WIF1: variants seen among roughly 807,000 people sequenced by gnomAD.
The protein encoded by WIF1 is Wnt inhibitory factor 1.
Under a neutral mutation model 53.5 loss-of-function variants are expected in WIF1, and 35 were observed. That is an observed-to-expected ratio of 0.65 (90% confidence interval 0.50 to 0.87). The LOEUF is 0.87. WIF1 is among the 40% of genes least tolerant of loss of function. The pLI is 0.00. For missense variants in WIF1, 467 were observed against 476.8 expected, an observed-to-expected ratio of 0.98 and a Z score of 0.19; for synonymous variants, 171 against 170.4, an observed-to-expected ratio of 1.00 and a Z score of -0.03.
chr12:65,079,298 T>C (rs192415182), intron 2 of WIF1, among the ~76,000 whole-genome samples: 35 of 150,984 alleles, frequency 2.3e-4, no homozygotes, highest in Non-Finnish European at 3.7e-4. Flanking sequence ...GAAACACAAA[T>C]GAACAAATCT....
chr12:65,051,734 A>C (rs1882445063), intron 9 of WIF1, among the ~76,000 whole-genome samples: 1 of 152,218 alleles, frequency 6.6e-6, no homozygotes, highest in Non-Finnish European at 1.5e-5. Context: ...ATCTGGGTGA[A>C]TGTGACTGAA....
At chr12:65,075,182 G>A (rs1421050308) in intron 3 of WIF1, among the ~76,000 whole-genome samples, 3 of 152,154 alleles carry the variant, frequency 2.0e-5, no homozygotes, top group Non-Finnish European at 4.4e-5. Context: ...CTACACCCAC[G>A]ATGACACTTA....
intron 8 of WIF1, among the ~76,000 whole-genome samples, chr12:65,055,756 CAGAG>C (rs923196592): frequency 5.3e-5 from 8 of 152,194 alleles, no homozygotes; most frequent in African/African-American, 1.9e-4. Flanking sequence ...GCCTGGGCGA[CAGAG>C]AGAGACTCCG....
At chr12:65,083,969 G>A in intron 2 of WIF1, 1 of 239,208 alleles carries the variant, frequency 4.2e-6, no homozygotes, top group African/African-American at 2.3e-5. Flanking sequence ...CCTCCAAGTA[G>A]CTGGAATTAC....
intron 6 of WIF1, among the ~76,000 whole-genome samples, chr12:65,065,340 G>T (rs186548312): frequency 3.9e-5 from 6 of 152,190 alleles, no homozygotes; most frequent in South Asian, 2.1e-4. Context: ...GAATTAGGTA[G>T]CCTGGGTGGC....
In WIF1 at chr12:65,121,247, C is replaced by T. The variant is rs923529133; in HGVS notation, c.-56G>A. On this transcript the variant is annotated 5_prime_UTR_variant, in exon 1 of 10. Coordinates refer to ENST00000286574, the MANE Select transcript of WIF1 (RefSeq NM_007191.5). ...ACTCCTCGTGCCGCACCTACGCAACCTGGCGCCGTCAGATACTCTGCTGCG... is the reference window on the plus strand; with the variant it reads ...ACTCCTCGTGCCGCACCTACGCAACTTGGCGCCGTCAGATACTCTGCTGCG... 9.4e-6 allele frequency: 13 copies of T among 1,384,006 alleles called. No homozygotes were observed. The Admixed American group carries it at 3.7e-4, about 39-fold the overall frequency. The allele number at this position is 1,384,006 out of a possible 1,614,324, so 85.7% of individuals were successfully genotyped here.
chr12:65,088,578 C>A lies in WIF1; in HGVS notation c.289-10724G>T, dbSNP rs553994933. Among the ~76,000 whole-genome samples the A allele has an allele frequency of 2.0e-5, 3 of 152,238 alleles. No homozygotes were observed. The East Asian group carries it at 5.8e-4, about 29-fold the overall frequency. On this transcript the variant is annotated intron_variant, in intron 2 of 9. Transcript: ENST00000286574. ...TTTGCCCTAGTCACTATTAAAATTT[C>A]TCATAAAAGGTTACTGATGATTTCC...
intron 2 of WIF1, among the ~76,000 whole-genome samples, chr12:65,114,780 A>C (rs965139331): frequency 6.6e-6 from 1 of 152,012 alleles, no homozygotes; most frequent in Non-Finnish European, 1.5e-5. Flanking sequence ...TATATACATG[A>C]CCTCCCACAT....
intron 4 of WIF1, 115 bp downstream of exon 4, chr12:65,068,649 A>ATGTGTGTGTGTGTGTGTGTGTG (rs10590995): frequency 1.1e-6 from 1 of 917,528 alleles, no homozygotes; most frequent in Non-Finnish European, 1.5e-6. Context: ...CCAAAAAACC[A>ATGTGTGTGTGTGTGTGTGTGTG]TGTGTGTGTG....
intron 2 of WIF1, among the ~76,000 whole-genome samples, chr12:65,116,549 C>T (rs754697485): frequency 3.1e-4 from 47 of 152,002 alleles, no homozygotes; most frequent in Non-Finnish European, 5.1e-4. Flanking sequence ...TATTTCATTA[C>T]ATATTACAAT....
intron 9 of WIF1, among the ~76,000 whole-genome samples, chr12:65,052,431 C>G (rs935593255): frequency 6.6e-6 from 1 of 152,062 alleles, no homozygotes; most frequent in East Asian, 1.9e-4. Flanking sequence ...CCATGAAGCC[C>G]AAACCTTTCT....
intron 7 of WIF1, among the ~76,000 whole-genome samples, chr12:65,059,873 A>C (rs912533185): frequency 5.9e-5 from 9 of 152,248 alleles, no homozygotes; most frequent in African/African-American, 2.2e-4. Context: ...GCTGGTCTCT[A>C]ACTCCTGACC....
chr12:65,056,039 CAG>C lies in WIF1; in HGVS notation c.912_913del (p.Cys305PhefsTer17). On this transcript the variant is annotated frameshift_variant, in exon 8 of 10. Coordinates refer to ENST00000286574, the MANE Select transcript of WIF1 (RefSeq NM_007191.5). LOFTEE classifies it high-confidence loss of function. ...GTGTATGGGGTACTTACGCTTTGAA[CAG>C]AGGTCTCCCTGGTAACCTTTGGAAC... is the stretch of plus-strand genomic sequence containing the variant. The C allele has an allele frequency of 6.2e-7, 1 of 1,613,922 alleles. No homozygotes were observed. The highest frequency in any genetic ancestry group is 1.3e-5 in the African/African-American group (1 of 75,046).
At chr12:65,089,708 G>A (rs2136629108) in intron 2 of WIF1, among the ~76,000 whole-genome samples, 1 of 152,142 alleles carries the variant, frequency 6.6e-6, no homozygotes, top group South Asian at 2.1e-4. Context: ...CCCTGCACTT[G>A]CCCACCAAGC....
intron 2 of WIF1, among the ~76,000 whole-genome samples, chr12:65,103,831 C>T (rs911468875): frequency 2.6e-5 from 4 of 152,184 alleles, no homozygotes; most frequent in African/African-American, 9.7e-5. Context: ...GTGCCTCTAA[C>T]TTCTCACGTG....
chr12:65,069,607 G>C (rs907078365), intron 3 of WIF1, among the ~76,000 whole-genome samples: 5 of 152,058 alleles, frequency 3.3e-5, no homozygotes. Context: ...TCATGAATAG[G>C]GTTATATCTA....
At chr12:65,070,411 A>G (rs948421588) in intron 3 of WIF1, among the ~76,000 whole-genome samples, 6 of 152,236 alleles carry the variant, frequency 3.9e-5, no homozygotes, top group African/African-American at 1.4e-4. Context: ...AATCTCATAT[A>G]TAAAAATGCC....
chr12:65,109,077 A>G (rs975592907), intron 2 of WIF1, among the ~76,000 whole-genome samples: 2 of 152,242 alleles, frequency 1.3e-5, no homozygotes, highest in African/African-American at 4.8e-5. Context: ...GTTCTGTTCC[A>G]TAAAACCTAA....
At chr12:65,093,450 A>G (rs1241804365) in intron 2 of WIF1, among the ~76,000 whole-genome samples, 5 of 152,162 alleles carry the variant, frequency 3.3e-5, no homozygotes, top group Middle Eastern at 3.4e-3. Context: ...ATTACTTTTT[A>G]CTTATATTAA....
Sources: allele counts gnomAD v4.1 joint callset (sites outside exome capture counted in the v4.1 genomes callset), GRCh38; gene constraint gnomAD v4.1.1; transcripts MANE v1.5; gene names NCBI Gene and HGNC (gene_info 2026-07-23, HGNC 2026-07-21).